DLGAP1: variants seen among roughly 807,000 people sequenced by gnomAD.
DLGAP1 encodes DLG associated protein 1.
A neutral mutation model predicts 90.8 loss-of-function variants in DLGAP1; 11 were observed. That is an observed-to-expected ratio of 0.12 (90% confidence interval 0.08 to 0.20). DLGAP1 has a LOEUF of 0.20. Ranked by LOEUF, DLGAP1 falls within the 10% of genes least tolerant of loss-of-function variation. The pLI, the probability that DLGAP1 is intolerant of heterozygous loss-of-function variation, is 1.00. For missense variants in DLGAP1, 1,050 were observed against 1,333.8 expected (o/e 0.79, Z 3.31); for synonymous variants, 558 against 540.7 (o/e 1.03, Z -0.44).
At chr18:4,103,274 T>G (rs951984018) in intron 2 of DLGAP1, among the ~76,000 whole-genome samples, 2 of 152,252 alleles carry the variant, frequency 1.3e-5, no homozygotes, top group African/African-American at 4.8e-5. Flanking sequence ...GTAGAGGAAC[T>G]GGTATCTTGT....
At chr18:3,548,634 G>A (rs997669198) in intron 9 of DLGAP1, among the ~76,000 whole-genome samples, 2 of 152,114 alleles carry the variant, frequency 1.3e-5, no homozygotes, top group African/African-American at 4.8e-5. Context: ...GGGCGTGGTG[G>A]TACACCTCGG....
At chr18:3,635,390 C>T (rs1401554099) in intron 7 of DLGAP1, among the ~76,000 whole-genome samples, 6 of 151,610 alleles carry the variant, frequency 4.0e-5, no homozygotes, top group Non-Finnish European at 8.8e-5. Flanking sequence ...CCCACCTCCT[C>T]GGCCTCCCAA....
At chr18:4,006,694 G>A (rs2074308691) in intron 2 of DLGAP1, among the ~76,000 whole-genome samples, 3 of 150,368 alleles carry the variant, frequency 2.0e-5, no homozygotes, top group Admixed American at 6.7e-5. Flanking sequence ...CGCCCAGGCT[G>A]GAGTGCAGTG....
intron 5 of DLGAP1, among the ~76,000 whole-genome samples, chr18:3,808,584 T>G (rs564849042): frequency 6.6e-6 from 1 of 152,284 alleles, no homozygotes; most frequent in African/African-American, 2.4e-5. Flanking sequence ...AACAGAGACA[T>G]TTCATACTAC....
At chr18:4,286,735 T>C (rs2079703184) in intron 1 of DLGAP1, among the ~76,000 whole-genome samples, 1 of 152,128 alleles carries the variant, frequency 6.6e-6, no homozygotes, top group South Asian at 2.1e-4. Context: ...CTCTGCCTTA[T>C]CAGGACTCAC....
intron 2 of DLGAP1, among the ~76,000 whole-genome samples, chr18:4,025,526 G>C (rs1396616103): frequency 6.6e-6 from 1 of 152,106 alleles, no homozygotes; most frequent in Non-Finnish European, 1.5e-5. Flanking sequence ...CAGTTCTTCA[G>C]GGTGGTAAAG....
intron 4 of DLGAP1, among the ~76,000 whole-genome samples, chr18:3,819,919 T>C (rs1418180821): frequency 6.6e-6 from 1 of 152,230 alleles, no homozygotes; most frequent in Non-Finnish European, 1.5e-5. Context: ...AATAGTGGGT[T>C]ACAACCCTTT....
chr18:3,544,243 G>A (rs2144675762), intron 9 of DLGAP1, among the ~76,000 whole-genome samples: 1 of 152,198 alleles, frequency 6.6e-6, no homozygotes, highest in African/African-American at 2.4e-5. Flanking sequence ...ACAAATCTTA[G>A]CCAGGTGTGG....
At chr18:3,956,938 C>A (rs774878940) in intron 3 of DLGAP1, among the ~76,000 whole-genome samples, 4 of 152,188 alleles carry the variant, frequency 2.6e-5, no homozygotes, top group Admixed American at 6.5e-5. Flanking sequence ...AGGCATGAGC[C>A]ACCACACTCT....
At chr18:4,161,047 A>C (rs2076835292) in intron 1 of DLGAP1, among the ~76,000 whole-genome samples, 1 of 146,302 alleles carries the variant, frequency 6.8e-6, no homozygotes, top group Non-Finnish European at 1.5e-5. Context: ...TTTTTTTTTA[A>C]TGGCTGAACA....
chr18:4,156,470 CTATAT>C (rs575138967), intron 1 of DLGAP1, among the ~76,000 whole-genome samples: 71 of 152,248 alleles, frequency 4.7e-4, no homozygotes, highest in African/African-American at 1.5e-3. Flanking sequence ...TTTCTACTGA[CTATAT>C]TATAAGATTA....
At position 4,186,741 on chromosome 18, in the gene DLGAP1, T is replaced by C. The variant is rs567103650; in HGVS notation, c.-266-35454A>G. 1.1e-4 allele frequency among the ~76,000 whole-genome samples: 17 copies of C among 152,300 alleles called. No homozygotes were observed. In the South Asian group the frequency reaches 3.1e-3, roughly 28 times the overall value. ...CCAGCTTTGTTCTTTTTGCTTAGGA[T>C]TGCCTTGGCTACTCAGGGTCTTTTT... On this transcript the variant is annotated intron_variant, in intron 1 of 12. Transcript: ENST00000315677.
chr18:4,255,813 G>A (rs1468506682), intron 1 of DLGAP1, among the ~76,000 whole-genome samples: 3 of 151,924 alleles, frequency 2.0e-5, no homozygotes, highest in Admixed American at 1.3e-4. Flanking sequence ...TTTTGAAAGA[G>A]AAAACATATA....
At chr18:3,884,788 T>G (rs1258720347) in intron 3 of DLGAP1, among the ~76,000 whole-genome samples, 3 of 152,210 alleles carry the variant, frequency 2.0e-5, no homozygotes, top group Admixed American at 6.5e-5. Context: ...ATAAATAAGC[T>G]AACATTCCTC....
At chr18:4,266,807 A>G (rs1179945787) in intron 1 of DLGAP1, among the ~76,000 whole-genome samples, 1 of 152,220 alleles carries the variant, frequency 6.6e-6, no homozygotes, top group Non-Finnish European at 1.5e-5. Flanking sequence ...GCTGTCTGTG[A>G]TTTTTTTAAA....
intron 7 of DLGAP1, among the ~76,000 whole-genome samples, chr18:3,594,660 T>C (rs1175649489): frequency 6.6e-6 from 1 of 152,132 alleles, no homozygotes; most frequent in Non-Finnish European, 1.5e-5. Flanking sequence ...TTCGTTGTTG[T>C]TGTTTTAAAG....
chr18:3,509,874 G>A (rs2050443951), intron 10 of DLGAP1, among the ~76,000 whole-genome samples: 1 of 152,160 alleles, frequency 6.6e-6, no homozygotes, highest in African/African-American at 2.4e-5. Flanking sequence ...CGTTACTCAA[G>A]TATTTCAGCG....
chr18:4,135,906 A>C (rs1014629917), intron 2 of DLGAP1, among the ~76,000 whole-genome samples: 1 of 150,732 alleles, frequency 6.6e-6, no homozygotes. Context: ...TCTAGGGTAC[A>C]TGTGCACAAC....
At chr18:3,532,828 T>A (rs1294417757) in intron 10 of DLGAP1, among the ~76,000 whole-genome samples, 1 of 152,218 alleles carries the variant, frequency 6.6e-6, no homozygotes, top group East Asian at 1.9e-4. Flanking sequence ...ACATACTGAT[T>A]ATATATAAGC....
Sources: allele counts gnomAD v4.1 joint callset (sites outside exome capture counted in the v4.1 genomes callset), GRCh38; gene constraint gnomAD v4.1.1; transcripts MANE v1.5; gene names NCBI Gene and HGNC (gene_info 2026-07-23, HGNC 2026-07-21).